Variants in IL1R2 observed in about 807,000 individuals in gnomAD.
IL1R2 encodes the protein interleukin 1 receptor type 2.
IL1R2 carries 46 observed loss-of-function variants against 39.5 expected under a neutral mutation model. The ratio of observed to expected loss-of-function variants is 1.16; its 90% CI spans 0.92 to 1.49. IL1R2 has a LOEUF of 1.49. IL1R2 is among the 40% of genes most tolerant of loss of function. The pLI, the probability that IL1R2 is intolerant of heterozygous loss-of-function variation, is 0.00. For synonymous variants in IL1R2, 207 were observed against 189.6 expected, an observed-to-expected ratio of 1.09 and a Z score of -0.75; for missense variants, 537 against 502.0, an observed-to-expected ratio of 1.07 and a Z score of -0.67.
intron 1 of IL1R2, among the ~76,000 whole-genome samples, chr2:101,992,910 G>A (rs1675416520): frequency 6.6e-6 from 1 of 152,108 alleles, no homozygotes; most frequent in African/African-American, 2.4e-5. Flanking sequence ...TGTGAAGGTG[G>A]CTGGAAGCAT....
At position 102,002,650 on chromosome 2, in the gene IL1R2, G is replaced by T. The variant is rs572919581; in HGVS notation, c.-61-5865G>T. Among the ~76,000 whole-genome samples, 4 of 152,184 alleles carry T rather than the reference G, an allele frequency of 2.6e-5. No homozygotes were observed. In the South Asian group the frequency reaches 8.3e-4, roughly 32 times the overall value. ...TGTCTGTGTCTGTGTTGGTGTCTGT[G>T]TCTATGTCTATGTCTAAGTCTAGGT... On this transcript the variant is annotated intron_variant, in intron 1 of 8. Coordinates refer to ENST00000332549, the MANE Select transcript of IL1R2 (RefSeq NM_004633.4).
At chr2:102,006,467 G>C (rs561591758) in intron 1 of IL1R2, among the ~76,000 whole-genome samples, 2 of 152,306 alleles carry the variant, frequency 1.3e-5, no homozygotes, top group Admixed American at 1.3e-4. Flanking sequence ...TGGACTCAGG[G>C]TTCCCCACTC....
In IL1R2 at chr2:102,022,197, A is replaced by G; in HGVS notation, c.699A>G (p.Glu233=). 2 of 1,613,446 alleles carry G rather than the reference A, an allele frequency of 1.2e-6. No individual in the cohort carries two copies. The highest frequency in any genetic ancestry group is 1.7e-6 in the Non-Finnish European group (2 of 1,179,338). The change falls in exon 6 of 9, where the codon GAA becomes GAG. Residue 233 remains glutamate (E), a synonymous_variant. Transcript: ENST00000332549. ...SIELRIKKKK[E]ETIPVIISPL... Reference sequence around the variant, plus strand: ...TTACATCTTTCTCAGAAAAAAAAGAAGAGACCATTCCTGTGATCATTTCCC... The same window carrying G: ...TTACATCTTTCTCAGAAAAAAAAGAGGAGACCATTCCTGTGATCATTTCCC...
chr2:102,020,769 C>G (rs562541790), intron 5 of IL1R2, among the ~76,000 whole-genome samples: 1 of 152,260 alleles, frequency 6.6e-6, no homozygotes, highest in East Asian at 1.9e-4. Flanking sequence ...ACGGTCCTGT[C>G]TCTGCGATAC....
At chr2:101,992,326 G>GAAAGACAGAGAC (rs1216396588) in intron 1 of IL1R2, among the ~76,000 whole-genome samples, 1 of 130,286 alleles carries the variant, frequency 7.7e-6, no homozygotes, top group African/African-American at 3.4e-5. Context: ...CAGAGACAGA[G>GAAAGACAGAGAC]AGAGGCAGGG....
At position 102,002,668 on chromosome 2, in the gene IL1R2, G is replaced by A. The variant is rs190970424; in HGVS notation, c.-61-5847G>A. Reference sequence around the variant, plus strand: ...TGTCTGTGTCTATGTCTATGTCTAAGTCTAGGTCTAGGTCTGTGTCTAAGT... The same window carrying A: ...TGTCTGTGTCTATGTCTATGTCTAAATCTAGGTCTAGGTCTGTGTCTAAGT... On this transcript the variant is annotated intron_variant, in intron 1 of 8. Coordinates refer to ENST00000332549, the MANE Select transcript of IL1R2 (RefSeq NM_004633.4). Among the ~76,000 whole-genome samples, 59 of 152,194 alleles carry A rather than the reference G, an allele frequency of 3.9e-4. 1 individual carries two copies. Among genetic ancestry groups the A allele is most frequent in the Non-Finnish European group, 8.8e-5 (6 of 68,004 alleles).
chr2:102,017,545 T>G (rs1224333679), intron 4 of IL1R2, among the ~76,000 whole-genome samples: 1 of 152,194 alleles, frequency 6.6e-6, no homozygotes, highest in Non-Finnish European at 1.5e-5. Context: ...CATTAGATAT[T>G]GCTTATGTAG....
intron 8 of IL1R2, among the ~76,000 whole-genome samples, chr2:102,027,330 C>T (rs145264775): frequency 1.1e-4 from 17 of 152,248 alleles, no homozygotes; most frequent in South Asian, 2.1e-4. Flanking sequence ...TGTTCCCTCT[C>T]GGGGTCAGAT....
chr2:102,005,534 T>G (rs1676207648), intron 1 of IL1R2, among the ~76,000 whole-genome samples: 1 of 152,138 alleles, frequency 6.6e-6, no homozygotes, highest in Non-Finnish European at 1.5e-5. Context: ...AGGACTCAGG[T>G]TCCCCTCTTA....
At chr2:102,018,730 GGTGA>G (rs1677167084) in intron 4 of IL1R2, among the ~76,000 whole-genome samples, 3 of 152,142 alleles carry the variant, frequency 2.0e-5, no homozygotes, top group Admixed American at 1.3e-4. Flanking sequence ...GCCAGTAGAT[GGTGA>G]AGTCAAAACT....
At chr2:102,002,782 A>ATCTATATCTATATCTATATCTATG (rs1553613533) in intron 1 of IL1R2, among the ~76,000 whole-genome samples, 2 of 146,742 alleles carry the variant, frequency 1.4e-5, no homozygotes, top group South Asian at 2.2e-4. Context: ...CTATATCTAT[A>ATCTATATCTATATCTATATCTATG]TCTATATCTG....
At position 102,024,533 on chromosome 2, in the gene IL1R2, G is replaced by T. The variant is rs751969491; in HGVS notation, c.752G>T (p.Gly251Val). 9.9e-6 allele frequency: 16 copies of T among 1,613,364 alleles called. No homozygotes were observed. The South Asian group carries it at 1.5e-4, about 16-fold the overall frequency. ...ACGTGCTGTGCCTTGCCATCCACAG[G>T]GTCAAGACTGACAATCCCGTGTAAG... ...SPLKTISASL[G>V]SRLTIPCKVF... The change falls in exon 7 of 9, where the codon GGG (glycine) becomes GTG (valine). Residue 251 changes from glycine (G) to valine (V), a missense_variant and splice_region_variant. By Grantham distance (109) the Gly-to-Val change is moderately radical. Transcript: ENST00000332549.
rs1278840858 is a variant in IL1R2, at chr2:102,009,825, A to C, written c.331A>C (p.Arg111=). ...EDSGTYVCTT[R]NASYCDKMSI... The stretch of plus-strand genomic sequence containing the variant: ...CTCTGGCACCTACGTCTGCACTACT[A>C]GGTAAGTCTCCCTGTGCGGGGCTGG... Residue 111 remains arginine, a splice_region_variant and synonymous_variant, in exon 3 of 9, where the codon AGA becomes CGA. Coordinates refer to ENST00000332549, the MANE Select transcript of IL1R2 (RefSeq NM_004633.4). The C allele has an allele frequency of 2.5e-6, 4 of 1,613,740 alleles. No homozygotes were observed. Among genetic ancestry groups the C allele is most frequent in the East Asian group, 4.5e-5 (2 of 44,888 alleles).
At chr2:102,005,938 C>A (rs548367361) in intron 1 of IL1R2, among the ~76,000 whole-genome samples, 1 of 152,080 alleles carries the variant, frequency 6.6e-6, no homozygotes, top group African/African-American at 2.4e-5. Flanking sequence ...TGTAAGATCT[C>A]GGCCAGGCCT....
Position 102,024,670 on chromosome 2 carries a change from T to G in IL1R2, c.887+2T>G. The stretch of plus-strand genomic sequence containing the variant: ...CCGCGTGACCGAGGGGCCACGCCAG[T>G]AAGTGGGCCAGGGTCTTCTGTTGAG... On this transcript the variant is annotated splice_donor_variant, in intron 7 of 8. Coordinates refer to ENST00000332549, the MANE Select transcript of IL1R2 (RefSeq NM_004633.4). LOFTEE classifies it high-confidence loss of function. 1.9e-6 allele frequency: 3 copies of G among 1,614,138 alleles called. No individual in the cohort carries two copies. The highest frequency in any genetic ancestry group is 2.5e-6 in the Non-Finnish European group (3 of 1,180,002).
chr2:102,005,778 A>G (rs1676223330), intron 1 of IL1R2, among the ~76,000 whole-genome samples: 1 of 152,204 alleles, frequency 6.6e-6, no homozygotes, highest in Non-Finnish European at 1.5e-5. Context: ...GTGCCCAGGT[A>G]AGATTCGGGG....
chr2:102,016,047 A>G lies in IL1R2; in HGVS notation c.509A>G (p.Tyr170Cys). The change falls in exon 4 of 9, where the codon TAC becomes TGC. Residue 170 changes from tyrosine to cysteine, a missense_variant. By Grantham distance (194) the Tyr-to-Cys change is radical. Coordinates refer to ENST00000332549, the MANE Select transcript of IL1R2 (RefSeq NM_004633.4). The stretch of plus-strand genomic sequence containing the variant: ...AAAACTGACGTGAAGATTCAATGGT[A>G]CAAGGTACGGCTTTAAAAAATGCCA... Reference protein sequence around the residue: ...RDKTDVKIQWYKDSLLLDKDN... With the variant: ...RDKTDVKIQWCKDSLLLDKDN... 9 of 1,609,664 alleles carry G rather than the reference A, an allele frequency of 5.6e-6. No individual in the cohort carries two copies. The African/African-American group carries it at 1.2e-4, about 21-fold the overall frequency.
intron 1 of IL1R2, among the ~76,000 whole-genome samples, chr2:102,007,113 C>T (rs1226859649): frequency 4.6e-5 from 7 of 152,132 alleles, no homozygotes; most frequent in Non-Finnish European, 7.4e-5. Flanking sequence ...CCATTCAGTT[C>T]TGGGGTCGTT....
chr2:102,023,957 G>A (rs1677557019), intron 6 of IL1R2, among the ~76,000 whole-genome samples: 1 of 151,868 alleles, frequency 6.6e-6, no homozygotes. Flanking sequence ...GCCGAGGCAG[G>A]AGAATGGCGT....
Sources: gnomAD v4.1 joint callset for allele counts (sites outside exome capture counted in the v4.1 genomes callset) on GRCh38, gnomAD v4.1.1 for gene constraint, MANE v1.5 for transcripts, NCBI Gene and HGNC (gene_info 2026-07-23, HGNC 2026-07-21) for gene names.